ADGRE3: variants seen among roughly 807,000 people sequenced by gnomAD.
ADGRE3 encodes EGF-like module receptor 3.
ADGRE3 carries 88 observed loss-of-function variants against 80.1 expected under a neutral mutation model. The observed-to-expected ratio is 1.10, with a 90% confidence interval of 0.93 to 1.31. The LOEUF (loss-of-function observed/expected upper bound fraction) is 1.31, where lower values mean the gene tolerates loss of function less well. Ranked by LOEUF, ADGRE3 falls within the 40% of genes most tolerant of loss-of-function variation. The probability of loss-of-function intolerance (pLI) is 0.00; values close to 1 mark genes in which losing one functional copy is unlikely to be tolerated. For synonymous variants in ADGRE3, 281 were observed against 294.8 expected, an observed-to-expected ratio of 0.95 and a Z score of 0.48; for missense variants, 715 against 776.5, an observed-to-expected ratio of 0.92 and a Z score of 0.94.
intron 4 of ADGRE3, among the ~76,000 whole-genome samples, chr19:14,659,290 G>A (rs941451125): frequency 2.6e-5 from 4 of 151,852 alleles, no homozygotes; most frequent in Admixed American, 6.6e-5. Context: ...CAATCCACCC[G>A]CCTTGGCCTC....
At chr19:14,665,714 A>G (rs2146903623) in intron 2 of ADGRE3, among the ~76,000 whole-genome samples, 1 of 151,538 alleles carries the variant, frequency 6.6e-6, no homozygotes, top group South Asian at 2.1e-4. Context: ...GCTGTTCTCT[A>G]ACTCCTGGGC....
chr19:14,618,111 A>G (rs762989811), downstream of ADGRE3, among the ~76,000 whole-genome samples: 2 of 152,110 alleles, frequency 1.3e-5, no homozygotes, highest in Non-Finnish European at 2.9e-5. Flanking sequence ...TTATTTATTT[A>G]TTTGTTTTAT....
intron 1 of ADGRE3, among the ~76,000 whole-genome samples, chr19:14,673,941 C>T (rs1384522816): frequency 6.6e-6 from 1 of 152,062 alleles, no homozygotes; most frequent in Non-Finnish European, 1.5e-5. Context: ...GTCCATGTGT[C>T]CACATTATTT....
At chr19:14,606,536 C>T in the ADGRE3 span, among the ~76,000 whole-genome samples, 5 of 151,844 alleles carry the variant, frequency 3.3e-5, no homozygotes, top group Admixed American at 6.6e-5. Flanking sequence ...AAAAATTAGC[C>T]GGGCGTGGTG....
intron 1 of ADGRE3, among the ~76,000 whole-genome samples, chr19:14,671,827 C>T (rs1972264059): frequency 6.6e-6 from 1 of 151,758 alleles, no homozygotes; most frequent in Non-Finnish European, 1.5e-5. Flanking sequence ...TTTTCTGTTG[C>T]CCCGGTTGGA....
the ADGRE3 span, chr19:14,610,828 A>G: frequency 6.6e-6 from 1 of 151,928 alleles, no homozygotes; most frequent in African/African-American, 2.4e-5. Context: ...GCTCAAAATT[A>G]TTATTATTAT....
At chr19:14,614,187 T>A (rs2075062812), downstream of ADGRE3, among the ~76,000 whole-genome samples, 1 of 152,128 alleles carries the variant, frequency 6.6e-6, no homozygotes, top group Non-Finnish European at 1.5e-5. Context: ...TGGGTGGGTG[T>A]CGTGTTGTAA....
intron 2 of ADGRE3, 145 bp from the exon 3 acceptor site, chr19:14,663,685 C>CA: frequency 1.1e-6 from 1 of 920,186 alleles, no homozygotes; most frequent in Non-Finnish European, 1.5e-6. Context: ...CTAAAAATAC[C>CA]AAAAATAGCC....
At chr19:14,620,476 AGT>A (rs1970529451) in intron 15 of ADGRE3, among the ~76,000 whole-genome samples, 1 of 25,712 alleles carries the variant, frequency 3.9e-5, no homozygotes, top group African/African-American at 1.4e-4. Context: ...ATATATTATG[AGT>A]ACATATGAAT....
chr19:14,662,813 T>C (rs1428210327), intron 3 of ADGRE3, among the ~76,000 whole-genome samples: 2 of 142,054 alleles, frequency 1.4e-5, no homozygotes, highest in African/African-American at 5.3e-5. Context: ...ACGCCTGTAA[T>C]CCCAGCACTT....
At chr19:14,634,911 G>A (rs1489966880) in intron 11 of ADGRE3, among the ~76,000 whole-genome samples, 1 of 152,090 alleles carries the variant, frequency 6.6e-6, no homozygotes, top group Admixed American at 6.6e-5. Context: ...CGAGCCATCA[G>A]TTCCCTCCTA....
intron 2 of ADGRE3, 49 bp from the exon 3 acceptor site, chr19:14,663,589 C>A: frequency 6.3e-7 from 1 of 1,580,068 alleles, no homozygotes; most frequent in South Asian, 1.1e-5. Context: ...CACAAACTCT[C>A]CTGTTATAAT....
rs146251526 is a variant in ADGRE3, at chr19:14,645,742, T to C, written c.882+1439A>G. 3.9e-3 allele frequency among the ~76,000 whole-genome samples: 584 copies of C among 151,198 alleles called. 4 individuals carry two copies. The highest frequency in any genetic ancestry group is 4.7e-3 in the Non-Finnish European group (319 of 67,792). ...ATTTCAGGGTTTTAAGAAGCTGAGG[T>C]GGGAGGGTTGCTTGAGGCCAGGAGT... On this transcript the variant is annotated intron_variant, in intron 8 of 15. Transcript: ENST00000253673.
intron 10 of ADGRE3, among the ~76,000 whole-genome samples, chr19:14,638,845 C>T (rs1262478076): frequency 6.6e-6 from 1 of 152,068 alleles, no homozygotes; most frequent in Non-Finnish European, 1.5e-5. Flanking sequence ...TACTGTATTG[C>T]GTGGTGACTA....
Position 14,663,749 on chromosome 19 carries a change from G to T in ADGRE3, c.77-209C>A, listed in dbSNP as rs567617418. On this transcript the variant is annotated intron_variant, in intron 2 of 15. Transcript: ENST00000253673. ...AGCTACTCAGGAGGCTGAGGCAGGA[G>T]AATTGTTTGAACCTGTGAGGCGGAG... is the stretch of plus-strand genomic sequence containing the variant. 3.3e-5 allele frequency among the ~76,000 whole-genome samples: 5 copies of T among 152,014 alleles called. 1 individual carries two copies. Among genetic ancestry groups the T allele is most frequent in the Admixed American group, 3.3e-4 (5 of 15,270 alleles).
intron 15 of ADGRE3, among the ~76,000 whole-genome samples, chr19:14,620,534 A>ATATT (rs1261288917): frequency 1.7e-4 from 3 of 17,904 alleles, no homozygotes; most frequent in Non-Finnish European, 1.8e-4. Flanking sequence ...GAATATATAT[A>ATATT]TTTTATATAT....
rs183527677 is a variant in ADGRE3, at chr19:14,624,693, C to T, written c.1920+799G>A. 5.3e-4 allele frequency among the ~76,000 whole-genome samples: 80 copies of T among 151,018 alleles called. 1 individual carries two copies. Among genetic ancestry groups the T allele is most frequent in the Admixed American group, 4.2e-3 (63 of 15,124 alleles). ...TTGCTTGAGCCCAGGAGGTCGAAAC[C>T]GCAGTAAGCTATGATCACGCCACTG... On this transcript the variant is annotated intron_variant, in intron 15 of 15. Transcript: ENST00000253673.
Sources: allele counts gnomAD v4.1 joint callset (sites outside exome capture counted in the v4.1 genomes callset), GRCh38; gene constraint gnomAD v4.1.1; transcripts MANE v1.5; gene names NCBI Gene and HGNC (gene_info 2026-07-23, HGNC 2026-07-21).